The following FSTL5 variants were observed in gnomAD, a reference collection of about 807,000 sequenced individuals.
The protein encoded by FSTL5 is follistatin like 5.
Under a neutral mutation model 89.1 loss-of-function variants are expected in FSTL5, and 62 were observed. The observed-to-expected ratio is 0.70, with a 90% CI of 0.57 to 0.86. FSTL5 has a LOEUF of 0.86. Among genes scored for constraint, FSTL5 ranks in the 40% least tolerant of loss-of-function variants. FSTL5 has a pLI of 0.00. For synonymous variants in FSTL5, 383 were observed against 346.2 expected, an observed-to-expected ratio of 1.11 and a Z score of -1.18; for missense variants, 1,057 against 1,001.6, an observed-to-expected ratio of 1.06 and a Z score of -0.75.
intron 7 of FSTL5, among the ~76,000 whole-genome samples, chr4:161,605,413 AATAC>A (rs1734403451): frequency 6.6e-6 from 1 of 152,146 alleles, no homozygotes; most frequent in Non-Finnish European, 1.5e-5. Context: ...GTATATCTTA[AATAC>A]ATGTTTGTTA....
intron 3 of FSTL5, among the ~76,000 whole-genome samples, chr4:161,921,962 T>C (rs888658846): frequency 1.3e-5 from 2 of 152,086 alleles, no homozygotes; most frequent in Admixed American, 1.3e-4. Flanking sequence ...TGAATGGAAA[T>C]GTATTTAAGT....
At chr4:162,104,017 T>A (rs1215293683) in intron 2 of FSTL5, among the ~76,000 whole-genome samples, 1 of 152,220 alleles carries the variant, frequency 6.6e-6, no homozygotes, top group Non-Finnish European at 1.5e-5. Flanking sequence ...ATCTTGCAAC[T>A]GCACTCTTCT....
intron 2 of FSTL5, among the ~76,000 whole-genome samples, chr4:162,083,853 T>G (rs773542301): frequency 6.6e-6 from 1 of 151,806 alleles, no homozygotes; most frequent in African/African-American, 2.4e-5. Flanking sequence ...AAGGGAAAAA[T>G]TAAATTCATT....
intron 7 of FSTL5, among the ~76,000 whole-genome samples, chr4:161,607,613 T>C (rs1224263898): frequency 1.3e-5 from 2 of 152,196 alleles, no homozygotes; most frequent in East Asian, 3.9e-4. Context: ...ACTGCATGGC[T>C]ATATTTTCAG....
chr4:162,039,579 T>A (rs1737870195), intron 2 of FSTL5, among the ~76,000 whole-genome samples: 1 of 151,824 alleles, frequency 6.6e-6, no homozygotes, highest in South Asian at 2.1e-4. Flanking sequence ...AACTATAAAG[T>A]CCAGGAGAAA....
At chr4:161,522,078 C>A (rs1205287178) in intron 10 of FSTL5, among the ~76,000 whole-genome samples, 1 of 152,022 alleles carries the variant, frequency 6.6e-6, no homozygotes. Context: ...TTTCAGTCCC[C>A]ACCCCCATAC....
intron 15 of FSTL5, among the ~76,000 whole-genome samples, chr4:161,397,824 A>T (rs917881744): frequency 1.3e-5 from 2 of 151,930 alleles, no homozygotes. Context: ...AGTCAAAACA[A>T]GAAAAGAACT....
At chr4:161,475,367 G>T (rs1024578835) in intron 13 of FSTL5, among the ~76,000 whole-genome samples, 1 of 151,940 alleles carries the variant, frequency 6.6e-6, no homozygotes, top group African/African-American at 2.4e-5. Context: ...TTCTCCTTCT[G>T]GGACTGCCGC....
At chr4:161,709,185 T>C (rs1364713449) in intron 6 of FSTL5, among the ~76,000 whole-genome samples, 1 of 152,116 alleles carries the variant, frequency 6.6e-6, no homozygotes, top group East Asian at 1.9e-4. Context: ...ACCTTTATTT[T>C]GTAAATAAAA....
chr4:161,583,158 G>A lies in FSTL5; in HGVS notation c.1015+4297C>T, dbSNP rs143384577. Among the ~76,000 whole-genome samples the A allele has an allele frequency of 4.1e-3, 631 of 152,214 alleles. 4 individuals are homozygous for A. The highest frequency in any genetic ancestry group is 0.014 in the African/African-American group (576 of 41,536). Reference sequence around the variant, plus strand: ...GGAGGTTGCAGGGAGCCAAGATGGCGCCACTGCACTCCAGCCTGGGCAACA... The same window carrying A: ...GGAGGTTGCAGGGAGCCAAGATGGCACCACTGCACTCCAGCCTGGGCAACA... On this transcript the variant is annotated intron_variant, in intron 8 of 15. Coordinates refer to ENST00000306100, the MANE Select transcript of FSTL5 (RefSeq NM_020116.5).
intron 8 of FSTL5, among the ~76,000 whole-genome samples, chr4:161,582,271 T>C (rs1733461305): frequency 6.6e-6 from 1 of 152,240 alleles, no homozygotes; most frequent in South Asian, 2.1e-4. Flanking sequence ...TTTTAAATTC[T>C]GAAAGCCTGA....
rs1349577158 is a variant in FSTL5 at position 161,779,781 on chromosome 4, A to T, written c.410-3707T>A. Among the ~76,000 whole-genome samples, 203 of 39,514 alleles carry T rather than the reference A, an allele frequency of 5.1e-3. 12 individuals carry two copies. The highest frequency in any genetic ancestry group is 0.032 in the South Asian group (33 of 1,020). 25.9% of individuals were successfully genotyped at this position (39,514 alleles called of 152,430 possible). ...AAGTTATATATATATATATGTATAT[A>T]TATATATATATATATATATATATAT... On this transcript the variant is annotated intron_variant, in intron 4 of 15. Coordinates refer to ENST00000306100, the MANE Select transcript of FSTL5 (RefSeq NM_020116.5).
At chr4:161,845,629 A>T (rs2126875667) in intron 4 of FSTL5, among the ~76,000 whole-genome samples, 1 of 152,334 alleles carries the variant, frequency 6.6e-6, no homozygotes, top group East Asian at 1.9e-4. Flanking sequence ...GTTTTCAGAA[A>T]TGCCAACATC....
chr4:162,154,410 A>C (rs1733387005), intron 1 of FSTL5, among the ~76,000 whole-genome samples: 1 of 152,180 alleles, frequency 6.6e-6, no homozygotes, highest in South Asian at 2.1e-4. Context: ...TTTTTCTTTT[A>C]AAGTAAATCT....
intron 8 of FSTL5, among the ~76,000 whole-genome samples, chr4:161,573,989 A>G (rs1285072653): frequency 2.6e-5 from 4 of 152,094 alleles, no homozygotes; most frequent in African/African-American, 4.8e-5. Flanking sequence ...ACGTTCATGC[A>G]TTGTCTGGCT....
At chr4:161,617,976 G>C (rs1734958585) in intron 7 of FSTL5, among the ~76,000 whole-genome samples, 1 of 151,782 alleles carries the variant, frequency 6.6e-6, no homozygotes, top group Non-Finnish European at 1.5e-5. Flanking sequence ...TCTTCCATTT[G>C]TTTGTATCCT....
intron 4 of FSTL5, among the ~76,000 whole-genome samples, chr4:161,788,836 T>G (rs934294682): frequency 6.6e-6 from 1 of 152,182 alleles, no homozygotes; most frequent in African/African-American, 2.4e-5. Flanking sequence ...AGTTTGAGGT[T>G]ACAGTGAGCC....
intron 6 of FSTL5, among the ~76,000 whole-genome samples, 185 bp downstream of exon 6, chr4:161,759,226 T>A (rs4691794): frequency 0.52 from 79,089 of 152,096 alleles, 24,682 homozygotes; most frequent in Non-Finnish European, 0.69. Context: ...TAACTGTTCA[T>A]TTCAGAACTA....
At chr4:162,081,853 A>G (rs1730112928) in intron 2 of FSTL5, among the ~76,000 whole-genome samples, 1 of 151,278 alleles carries the variant, frequency 6.6e-6, no homozygotes, top group Non-Finnish European at 1.5e-5. Context: ...GACAAAATTT[A>G]TAAGAATATT....
Sources: gnomAD v4.1 joint callset for allele counts (sites outside exome capture counted in the v4.1 genomes callset) on GRCh38, gnomAD v4.1.1 for gene constraint, MANE v1.5 for transcripts, NCBI Gene and HGNC (gene_info 2026-07-23, HGNC 2026-07-21) for gene names.